Variants in KAZN observed in about 807,000 individuals in gnomAD.
KAZN encodes the protein kazrin.
KAZN carries 40 observed loss-of-function variants against 87.4 expected under a neutral mutation model. The observed-to-expected ratio is 0.46, with a 90% CI of 0.36 to 0.60. KAZN has a LOEUF of 0.60. KAZN is among the 20% of genes least tolerant of loss of function. KAZN has a pLI of 0.00. For missense variants in KAZN, 898 were observed against 1,073.9 expected (o/e 0.84, Z 2.29); for synonymous variants, 466 against 458.3 (o/e 1.02, Z -0.22).
chr1:14,721,398 C>T (rs1643095567), intron 1 of KAZN, among the ~76,000 whole-genome samples: 1 of 152,228 alleles, frequency 6.6e-6, no homozygotes, highest in Non-Finnish European at 1.5e-5. Flanking sequence ...TTCCTGAGGC[C>T]TCCCCAGCCA....
chr1:14,158,411 G>A (rs979041978), intron 1 of KAZN, among the ~76,000 whole-genome samples: 1 of 151,770 alleles, frequency 6.6e-6, no homozygotes, highest in African/African-American at 2.4e-5. Context: ...ACATTTTTCA[G>A]TATGCCAATT....
chr1:14,200,983 AAC>A (rs1277187628), intron 2 of KAZN, among the ~76,000 whole-genome samples: 1 of 152,134 alleles, frequency 6.6e-6, no homozygotes, highest in Non-Finnish European at 1.5e-5. Flanking sequence ...AAGCGTTCCC[AAC>A]ACACCTGTGC....
intron 1 of KAZN, among the ~76,000 whole-genome samples, chr1:13,998,438 TAAAG>T (rs1418542689): frequency 6.6e-6 from 1 of 152,054 alleles, no homozygotes; most frequent in Non-Finnish European, 1.5e-5. Context: ...GCAAATTGGA[TAAAG>T]AGTCAAGATC....
intron 1 of KAZN, among the ~76,000 whole-genome samples, chr1:14,917,920 C>G (rs1419249120): frequency 6.6e-6 from 1 of 151,532 alleles, no homozygotes. Flanking sequence ...GCTCTGTCGC[C>G]CAGGCTGGAG....
intron 1 of KAZN, among the ~76,000 whole-genome samples, chr1:14,612,853 C>T (rs183056241): frequency 3.6e-4 from 55 of 152,252 alleles, no homozygotes; most frequent in East Asian, 2.5e-3. Context: ...ACATACTGTG[C>T]CTGGCATGGA....
chr1:14,614,066 C>A (rs992786507), intron 1 of KAZN, among the ~76,000 whole-genome samples: 3 of 152,108 alleles, frequency 2.0e-5, no homozygotes, highest in African/African-American at 7.2e-5. Flanking sequence ...GCTAGATTTC[C>A]GGGAATACGA....
At chr1:14,524,948 G>C (rs942811822) in intron 2 of KAZN, among the ~76,000 whole-genome samples, 3 of 152,206 alleles carry the variant, frequency 2.0e-5, no homozygotes, top group African/African-American at 7.2e-5. Flanking sequence ...GGTCTGGAGA[G>C]AGCCAGACAT....
At chr1:14,581,895 C>G (rs1201721089) in intron 2 of KAZN, among the ~76,000 whole-genome samples, 2 of 152,148 alleles carry the variant, frequency 1.3e-5, no homozygotes, top group African/African-American at 2.4e-5. Context: ...ATCCCCAGTT[C>G]TCCTTCTCCC....
At chr1:14,233,613 A>G (rs1416579585) in intron 2 of KAZN, among the ~76,000 whole-genome samples, 3 of 152,234 alleles carry the variant, frequency 2.0e-5, no homozygotes, top group East Asian at 1.9e-4. Context: ...AAGGTTCTGC[A>G]ATCTCCATAG....
intron 1 of KAZN, among the ~76,000 whole-genome samples, chr1:14,160,458 G>T (rs1416573119): frequency 5.3e-5 from 8 of 152,318 alleles, no homozygotes; most frequent in Non-Finnish European, 7.3e-5. Flanking sequence ...TGAGGGGCTG[G>T]AAGGAGGGGG....
At chr1:14,360,769 C>G (rs2100978909) in intron 2 of KAZN, among the ~76,000 whole-genome samples, 1 of 152,320 alleles carries the variant, frequency 6.6e-6, no homozygotes, top group Non-Finnish European at 1.5e-5. Flanking sequence ...ACCAGCCAGG[C>G]TGCAGAACAG....
At chr1:14,281,108 G>A (rs1440463229) in intron 2 of KAZN, among the ~76,000 whole-genome samples, 1 of 152,180 alleles carries the variant, frequency 6.6e-6, no homozygotes, top group Non-Finnish European at 1.5e-5. Context: ...ATTTCTAAAT[G>A]TTCTTAACTG....
At chr1:14,860,992 GT>G (rs1650775315) in intron 1 of KAZN, among the ~76,000 whole-genome samples, 1 of 152,204 alleles carries the variant, frequency 6.6e-6, no homozygotes, top group Admixed American at 6.5e-5. Flanking sequence ...CCTGGTGCAT[GT>G]GAAGGAAGGG....
intron 2 of KAZN, among the ~76,000 whole-genome samples, chr1:14,563,318 C>T (rs1674360110): frequency 1.3e-5 from 2 of 152,152 alleles, no homozygotes; most frequent in Admixed American, 1.3e-4. Flanking sequence ...ATGAAGATTC[C>T]CTGGCCTCAC....
chr1:13,913,929 C>T (rs1434879951), intron 1 of KAZN, among the ~76,000 whole-genome samples: 1 of 152,150 alleles, frequency 6.6e-6, no homozygotes. Context: ...ATCCTTGGAC[C>T]AGCATCACCT....
At chr1:14,528,473 T>A (rs1462700725) in intron 2 of KAZN, among the ~76,000 whole-genome samples, 1 of 151,708 alleles carries the variant, frequency 6.6e-6, no homozygotes, top group African/African-American at 2.4e-5. Flanking sequence ...ATCCACGTGA[T>A]GACCTTTCAT....
At chr1:14,559,759 G>C (rs186275136) in intron 2 of KAZN, among the ~76,000 whole-genome samples, 1 of 152,220 alleles carries the variant, frequency 6.6e-6, no homozygotes, top group East Asian at 1.9e-4. Flanking sequence ...ATACCCTTCA[G>C]CTGAAGGAGT....
rs747361313 is a variant in KAZN at position 15,056,316 on chromosome 1, C to T, written c.916+36C>T. 1.3e-5 allele frequency: 21 copies of T among 1,557,290 alleles called. No individual in the cohort carries two copies. Among genetic ancestry groups the T allele is most frequent in the Admixed American group, 1.8e-5 (1 of 56,028 alleles). ...CCCTGGCCTGGCTCCACCACGGCTT[C>T]GAGGGGCTTCACAGGAGGCCATCTG... On this transcript the variant is annotated intron_variant, in intron 5 of 14. Coordinates refer to ENST00000376030, the MANE Select transcript of KAZN (RefSeq NM_201628.3). The surrounding 1 kb of genome is among the most constrained non-coding windows in gnomAD (Gnocchi z 5.4).
chr1:14,235,555 G>C (rs1373260249), intron 2 of KAZN, among the ~76,000 whole-genome samples: 1 of 152,138 alleles, frequency 6.6e-6, no homozygotes, highest in Non-Finnish European at 1.5e-5. Flanking sequence ...GCACAACTCT[G>C]AATACACTAA....
Sources: allele counts gnomAD v4.1 joint callset (sites outside exome capture counted in the v4.1 genomes callset), GRCh38; gene constraint gnomAD v4.1.1; non-coding constraint Gnocchi (gnomAD v3.1); transcripts MANE v1.5; gene names NCBI Gene and HGNC (gene_info 2026-07-23, HGNC 2026-07-21).